Variants in UNC13C observed in about 807,000 individuals in gnomAD.
UNC13C encodes protein unc-13 homolog C.
In UNC13C, 174 loss-of-function variants were observed where a neutral mutation model predicts 245.4. The observed-to-expected ratio is 0.71, with a 90% confidence interval of 0.63 to 0.80. The LOEUF is 0.80. UNC13C is among the 30% of genes least tolerant of loss of function. The pLI is 0.00. For missense variants in UNC13C, 2,829 were observed against 2,602.9 expected (o/e 1.09, Z -1.89); for synonymous variants, 992 against 895.1 (o/e 1.11, Z -1.93).
chr15:53,976,475 C>CTTTTTTTTTTT (rs879775519), upstream of UNC13C, among the ~76,000 whole-genome samples: 360 of 63,566 alleles, frequency 5.7e-3, 11 homozygotes, highest in Middle Eastern at 0.015. Flanking sequence ...CTCTCTCTCT[C>CTTTTTTTTTTT]TCTTTTTTTT....
At chr15:54,337,097 A>C (rs2063100254) in intron 16 of UNC13C, among the ~76,000 whole-genome samples, 1 of 152,138 alleles carries the variant, frequency 6.6e-6, no homozygotes, top group South Asian at 2.1e-4. Context: ...CACCAAAAAT[A>C]ATTTGTCAAC....
At position 54,129,224 on chromosome 15, in the gene UNC13C, G is replaced by A. The variant is rs368175244; in HGVS notation, c.2984-13794G>A. 5.2e-4 allele frequency among the ~76,000 whole-genome samples: 79 copies of A among 152,240 alleles called. No homozygotes were observed. In the East Asian group the frequency reaches 0.011, roughly 20 times the overall value. ...CATTGTTAAAGCACGGTTTTATCAC[G>A]GGGGTAAATACAGCTTGGCCAGATG... On this transcript the variant is annotated intron_variant, in intron 2 of 32. Coordinates refer to ENST00000260323, the MANE Select transcript of UNC13C (RefSeq NM_001080534.3).
chr15:54,525,069 T>G (rs927614181), intron 24 of UNC13C, among the ~76,000 whole-genome samples: 3 of 152,152 alleles, frequency 2.0e-5, no homozygotes, highest in African/African-American at 7.2e-5. Flanking sequence ...TGGGGAAATA[T>G]GAAAACACCT....
intron 17 of UNC13C, among the ~76,000 whole-genome samples, chr15:54,361,119 G>C (rs1223495642): frequency 6.6e-6 from 1 of 151,904 alleles, no homozygotes; most frequent in East Asian, 1.9e-4. Flanking sequence ...TTCACTTGAT[G>C]GTGGCTCATA....
At chr15:54,303,395 A>G (rs1316015101) in intron 13 of UNC13C, among the ~76,000 whole-genome samples, 3 of 152,182 alleles carry the variant, frequency 2.0e-5, no homozygotes, top group Non-Finnish European at 2.9e-5. Flanking sequence ...GAATCCCATT[A>G]AAAGAAAAGA....
intron 17 of UNC13C, among the ~76,000 whole-genome samples, chr15:54,375,749 T>G (rs1365528536): frequency 6.6e-6 from 1 of 152,192 alleles, no homozygotes; most frequent in Non-Finnish European, 1.5e-5. Context: ...GATGTGAGTT[T>G]GCGTGAGGAC....
intron 24 of UNC13C, among the ~76,000 whole-genome samples, chr15:54,522,435 G>T (rs1390415689): frequency 6.6e-6 from 1 of 152,038 alleles, no homozygotes; most frequent in African/African-American, 2.4e-5. Flanking sequence ...CCAAGATCGG[G>T]CCACTGCACT....
intron 19 of UNC13C, among the ~76,000 whole-genome samples, chr15:54,479,519 A>G (rs952739572): frequency 2.0e-5 from 3 of 152,090 alleles, no homozygotes; most frequent in African/African-American, 7.2e-5. Context: ...TTTTAAATCC[A>G]TTTAACCTGT....
chr15:54,050,561 A>G (rs1897233841), intron 2 of UNC13C: 1 of 446,494 alleles, frequency 2.2e-6, no homozygotes, highest in Non-Finnish European at 4.5e-6. Context: ...AGTATTCTCC[A>G]GAGTGAGCTG....
chr15:53,991,797 T>A (rs1163146222), intron 1 of UNC13C, among the ~76,000 whole-genome samples: 1 of 152,002 alleles, frequency 6.6e-6, no homozygotes, highest in Non-Finnish European at 1.5e-5. Flanking sequence ...TCAATTGTTT[T>A]TGGTATCCTA....
chr15:53,920,460 A>C, the UNC13C span, among the ~76,000 whole-genome samples: 12 of 152,166 alleles, frequency 7.9e-5, no homozygotes. Context: ...AGGCTGAGGC[A>C]GGAAAACTGC....
rs577622413 is a variant in UNC13C at position 54,013,507 on chromosome 15, A to G, written c.604A>G (p.Thr202Ala). The G allele has an allele frequency of 1.4e-5, 22 of 1,613,966 alleles. No homozygotes were observed. The Admixed American group carries it at 2.3e-4, about 17-fold the overall frequency. ...TGTCTCCTCAGACTCAGAGTTAAGC[A>G]CCATGAAAAAATCCTGGGGAATAAG... is the stretch of plus-strand genomic sequence containing the variant. ...ECVSSDSELS[T>A]MKKSWGIRSK... Residue 202 changes from threonine (T) to alanine (A), a missense_variant, in exon 2 of 33, where the codon ACC becomes GCC. Thr to Ala is a moderately conservative substitution (Grantham distance 58). Coordinates refer to ENST00000260323, the MANE Select transcript of UNC13C (RefSeq NM_001080534.3).
At chr15:53,960,584 A>T in the UNC13C span, among the ~76,000 whole-genome samples, 71 of 152,342 alleles carry the variant, frequency 4.7e-4, 1 homozygote, top group African/African-American at 1.7e-3. Context: ...ATGAACACAC[A>T]ACACAAAGTA....
chr15:53,976,473 C>CTTTT (rs1164175117), upstream of UNC13C, among the ~76,000 whole-genome samples: 2 of 27,522 alleles, frequency 7.3e-5, no homozygotes, highest in African/African-American at 1.3e-4. Context: ...CTCTCTCTCT[C>CTTTT]TCTCTTTTTT....
intron 19 of UNC13C, among the ~76,000 whole-genome samples, chr15:54,419,965 T>G (rs1800177015): frequency 6.6e-6 from 1 of 152,080 alleles, no homozygotes; most frequent in Admixed American, 6.6e-5. Flanking sequence ...CTGGGTGATC[T>G]TTCTCTCTCC....
intron 17 of UNC13C, among the ~76,000 whole-genome samples, chr15:54,352,357 G>T (rs192716955): frequency 0.04 from 5,926 of 147,374 alleles, 183 homozygotes; most frequent in African/African-American, 0.088. Flanking sequence ...TATATATAGA[G>T]AGAGAGAGAG....
chr15:54,626,768 A>G, intron 32 of UNC13C, 60 bp from the exon 33 acceptor site: 1 of 1,449,436 alleles, frequency 6.9e-7, no homozygotes, highest in African/African-American at 1.4e-5. Context: ...TTTGAGAACC[A>G]TAATGATGCC....
rs576070217 is a variant in UNC13C, at chr15:54,474,849, G to C, written c.4934-19759G>C. Reference sequence around the variant, plus strand: ...CAGGAAGCTTCCACCCATACCAGAAGAAGAAGGGGAGCAGGCATCACACGA... The same window carrying C: ...CAGGAAGCTTCCACCCATACCAGAACAAGAAGGGGAGCAGGCATCACACGA... On this transcript the variant is annotated intron_variant, in intron 19 of 32. Coordinates refer to ENST00000260323, the MANE Select transcript of UNC13C (RefSeq NM_001080534.3). Among the ~76,000 whole-genome samples, 5 of 152,106 alleles carry C rather than the reference G, an allele frequency of 3.3e-5. No homozygotes were observed. The East Asian group carries it at 7.7e-4, about 24-fold the overall frequency.
At chr15:54,169,786 C>A (rs1281908689) in intron 4 of UNC13C, among the ~76,000 whole-genome samples, 3 of 152,150 alleles carry the variant, frequency 2.0e-5, no homozygotes, top group African/African-American at 7.2e-5. Flanking sequence ...GCTAAGGGGA[C>A]CTTCTTCCAA....
Sources: gnomAD v4.1 joint callset for allele counts (sites outside exome capture counted in the v4.1 genomes callset) on GRCh38, gnomAD v4.1.1 for gene constraint, MANE v1.5 for transcripts, NCBI Gene and HGNC (gene_info 2026-07-23, HGNC 2026-07-21) for gene names.